PSAT1: variants seen among roughly 807,000 people sequenced by gnomAD.
PSAT1 encodes the protein phosphoserine aminotransferase.
In PSAT1, 41 loss-of-function variants were observed where a neutral mutation model predicts 40.3. The ratio of observed to expected loss-of-function variants is 1.02; its 90% CI spans 0.79 to 1.32. The LOEUF (loss-of-function observed/expected upper bound fraction) is 1.32. Among genes scored for constraint, PSAT1 ranks in the 40% most tolerant of loss-of-function variants. The probability of loss-of-function intolerance (pLI) is 0.00; values close to 1 mark genes in which losing one functional copy is unlikely to be tolerated. For synonymous variants in PSAT1, 147 were observed against 170.5 expected (o/e 0.86, Z 1.07); for missense variants, 406 against 455.8 (o/e 0.89, Z 0.99).
At chr9:78,297,291 G>T in intron 1 of PSAT1, 21 bp downstream of exon 1, 1 of 1,589,292 alleles carries the variant, frequency 6.3e-7, no homozygotes, top group Non-Finnish European at 8.5e-7. Context: ...GCGAGCGGGC[G>T]CCGGGAGTGA....
chr9:78,317,657 T>TA lies in PSAT1; in HGVS notation c.741-19_741-18insA. ...TGCAAAGATGAGCTAAACGGATTTT[T>TA]TAAAAATCTTCATTTTAGCATCTAC... On this transcript the variant is annotated intron_variant, in intron 6 of 8. Coordinates refer to ENST00000376588, the MANE Select transcript of PSAT1 (RefSeq NM_058179.4). 4 of 1,613,874 alleles carry TA rather than the reference T, an allele frequency of 2.5e-6. No individual in the cohort carries two copies. The highest frequency in any genetic ancestry group is 1.7e-4 in the Middle Eastern group (1 of 6,052).
In PSAT1 at chr9:78,297,174, T is replaced by C; in HGVS notation, c.-37T>C. 14 of 1,581,354 alleles carry C rather than the reference T, an allele frequency of 8.9e-6. No homozygotes were observed. The highest frequency in any genetic ancestry group is 1.2e-5 in the Non-Finnish European group (14 of 1,167,644). ...GAACGCCAGCCGTTCACGCGTTCGGTCCTCCTTGGCTGACTCACCGCCCTG... is the reference window on the plus strand; with the variant it reads ...GAACGCCAGCCGTTCACGCGTTCGGCCCTCCTTGGCTGACTCACCGCCCTG... On this transcript the variant is annotated 5_prime_UTR_variant, in exon 1 of 9. Transcript: ENST00000376588.
chr9:78,305,968 G>A (rs1828175456), intron 4 of PSAT1, among the ~76,000 whole-genome samples: 1 of 152,198 alleles, frequency 6.6e-6, no homozygotes, highest in Admixed American at 6.5e-5. Flanking sequence ...CAGGATCATA[G>A]CACACTGTAG....
In PSAT1 at chr9:78,329,103, A is replaced by C; in HGVS notation, c.*17A>C. The C allele has an allele frequency of 6.5e-7, 1 of 1,546,270 alleles. No individual in the cohort carries two copies. The highest frequency in any genetic ancestry group is 8.9e-7 in the Non-Finnish European group (1 of 1,119,848). On this transcript the variant is annotated 3_prime_UTR_variant, in exon 9 of 9. Coordinates refer to ENST00000376588, the MANE Select transcript of PSAT1 (RefSeq NM_058179.4). The stretch of plus-strand genomic sequence containing the variant: ...CAGCTATGAACACATCCTAACCAGG[A>C]TATACTCTGTTCTTGAACAACATAC...
At position 78,321,483 on chromosome 9, in the gene PSAT1, A is replaced by G. The variant is rs114823879; in HGVS notation, c.869+3679A>G. 4.7e-3 allele frequency among the ~76,000 whole-genome samples: 713 copies of G among 152,270 alleles called. 5 individuals are homozygous for G. The highest frequency in any genetic ancestry group is 0.016 in the African/African-American group (669 of 41,544). ...TTAAAGAGGAATACCTAGAATTAGA[A>G]TTTGCAATTTACCACCACCTTTGCT... is the stretch of plus-strand genomic sequence containing the variant. On this transcript the variant is annotated intron_variant, in intron 7 of 8. Transcript: ENST00000376588.
rs148099827 is a variant in PSAT1, at chr9:78,316,871, C to T, written c.741-805C>T. ...GGATGTGGGTAGAAAAGATGAACAG[C>T]GTGGGCTTCTAGCCTTCCAAGACCA... On this transcript the variant is annotated intron_variant, in intron 6 of 8. Transcript: ENST00000376588. Among the ~76,000 whole-genome samples, 72 of 152,256 alleles carry T rather than the reference C, an allele frequency of 4.7e-4. 3 individuals carry two copies. The East Asian group carries it at 0.012, about 25-fold the overall frequency.
chr9:78,324,711 T>C (rs1272336199), intron 7 of PSAT1, among the ~76,000 whole-genome samples: 2 of 151,042 alleles, frequency 1.3e-5, no homozygotes, highest in Non-Finnish European at 2.9e-5. Flanking sequence ...CCTGTGAAAA[T>C]GGGAAAAAGA....
intron 5 of PSAT1, 152 bp downstream of exon 5, chr9:78,306,638 G>A (rs144391694): frequency 1.2e-5 from 11 of 955,748 alleles, no homozygotes; most frequent in Middle Eastern, 3.2e-4. Flanking sequence ...TGCCAGGTGC[G>A]AATTCCCAGC....
In PSAT1 at chr9:78,308,394, C is replaced by T. The variant is rs754284394; in HGVS notation, c.571-20C>T. 1 of 1,611,576 alleles carries T rather than the reference C, an allele frequency of 6.2e-7. No individual in the cohort carries two copies. Among genetic ancestry groups the T allele is most frequent in the South Asian group, 1.1e-5 (1 of 90,968 alleles). ...AAATGGCCAAATCCTTCTTAAGCAG[C>T]ATGTCTTTCTCTTTTTAAGTTTGGT... On this transcript the variant is annotated intron_variant, in intron 5 of 8. Coordinates refer to ENST00000376588, the MANE Select transcript of PSAT1 (RefSeq NM_058179.4).
Position 78,306,339 on chromosome 9 carries a change from C to G in PSAT1, c.423C>G (p.Asn141Lys). 1.2e-6 allele frequency: 2 copies of G among 1,612,410 alleles called. No individual in the cohort carries two copies. Among genetic ancestry groups the G allele is most frequent in the South Asian group, 2.2e-5 (2 of 91,012 alleles). Residue 141 changes from asparagine (N) to lysine (K), a missense_variant, in exon 5 of 9, where the codon AAC (asparagine) becomes AAG (lysine). Physicochemically the swap from Asn to Lys is moderately conservative, Grantham distance 94. Coordinates refer to ENST00000376588, the MANE Select transcript of PSAT1 (RefSeq NM_058179.4). Reference sequence around the variant, plus strand: ...AAATTCCAGATCCAAGCACCTGGAACCTCAACCCAGATGCCTCCTACGTGT... The same window carrying G: ...AAATTCCAGATCCAAGCACCTGGAAGCTCAACCCAGATGCCTCCTACGTGT... ...YTKIPDPSTW[N>K]LNPDASYVYY...
chr9:78,326,956 T>TATATATATATA (rs1491277712), intron 7 of PSAT1, among the ~76,000 whole-genome samples: 5 of 59,202 alleles, frequency 8.4e-5, no homozygotes, highest in African/African-American at 2.3e-4. Flanking sequence ...TATATATATA[T>TATATATATATA]TTTTTTTTTT....
rs1564014639 is a variant in PSAT1, at chr9:78,308,430, C to T, written c.587C>T (p.Ala196Val). 1 of 1,613,660 alleles carries T rather than the reference C, an allele frequency of 6.2e-7. No homozygotes were observed. The highest frequency in any genetic ancestry group is 8.5e-7 in the Non-Finnish European group (1 of 1,179,782). Residue 196 changes from alanine (A) to valine (V), a missense_variant, in exon 6 of 9, where the codon GCT (alanine) becomes GTT (valine). By Grantham distance (64) the Ala-to-Val change is moderately conservative. Coordinates refer to ENST00000376588, the MANE Select transcript of PSAT1 (RefSeq NM_058179.4). Reference sequence around the variant, plus strand: ...CTTTTTAAGTTTGGTGTGATTTTTGCTGGTGCCCAGAAGAATGTTGGCTCT... The same window carrying T: ...CTTTTTAAGTTTGGTGTGATTTTTGTTGGTGCCCAGAAGAATGTTGGCTCT... ...VDVSKFGVIF[A>V]GAQKNVGSAG...
chr9:78,320,766 A>G (rs867070070), intron 7 of PSAT1, among the ~76,000 whole-genome samples: 3 of 152,060 alleles, frequency 2.0e-5, no homozygotes, highest in Middle Eastern at 3.2e-3. Flanking sequence ...AAGACCGAGA[A>G]GAATAAATCA....
intron 2 of PSAT1, among the ~76,000 whole-genome samples, chr9:78,301,705 A>G (rs537855908): frequency 6.6e-6 from 1 of 152,336 alleles, no homozygotes; most frequent in East Asian, 1.9e-4. Context: ...TGATGAATTA[A>G]TAAATAACTT....
At chr9:78,303,906 G>C (rs1297576662) in intron 3 of PSAT1, among the ~76,000 whole-genome samples, 2 of 152,134 alleles carry the variant, frequency 1.3e-5, no homozygotes, top group African/African-American at 2.4e-5. Context: ...TGTCCTTTTG[G>C]AGCTGGGCTT....
At chr9:78,315,500 T>C (rs1828328613) in intron 6 of PSAT1, among the ~76,000 whole-genome samples, 2 of 152,258 alleles carry the variant, frequency 1.3e-5, no homozygotes, top group Non-Finnish European at 2.9e-5. Context: ...TCTTGGACGT[T>C]AGCCAGAGAG....
intron 5 of PSAT1, 125 bp from the exon 6 acceptor site, chr9:78,308,289 G>T (rs566931212): frequency 9.1e-7 from 1 of 1,097,098 alleles, no homozygotes; most frequent in African/African-American, 1.6e-5. Flanking sequence ...AGCATGAACT[G>T]CTCCCTACAC....
Position 78,321,542 on chromosome 9 carries a change from C to T in PSAT1, c.869+3738C>T, listed in dbSNP as rs950937464. Among the ~76,000 whole-genome samples the T allele has an allele frequency of 5.3e-5, 8 of 152,310 alleles. 1 individual carries two copies. The highest frequency in any genetic ancestry group is 1.4e-4 in the African/African-American group (6 of 41,562). On this transcript the variant is annotated intron_variant, in intron 7 of 8. Coordinates refer to ENST00000376588, the MANE Select transcript of PSAT1 (RefSeq NM_058179.4). The stretch of plus-strand genomic sequence containing the variant: ...TTGTCTCTGAGAAGATGCACCCCCT[C>T]CCCACTTCCATGCCCCCTGACTCGT...
chr9:78,324,836 C>G (rs994444610), intron 7 of PSAT1, among the ~76,000 whole-genome samples: 1 of 152,186 alleles, frequency 6.6e-6, no homozygotes, highest in Non-Finnish European at 1.5e-5. Flanking sequence ...TCCACACCGG[C>G]CCGTCCTACT....
Sources: allele counts gnomAD v4.1 joint callset (sites outside exome capture counted in the v4.1 genomes callset), GRCh38; gene constraint gnomAD v4.1.1; transcripts MANE v1.5; gene names NCBI Gene and HGNC (gene_info 2026-07-23, HGNC 2026-07-21).